CDKN2AIPNL: variants seen among roughly 807,000 people sequenced by gnomAD.
The protein encoded by CDKN2AIPNL is CDKN2AIP N-terminal-like protein.
In CDKN2AIPNL, 9 loss-of-function variants were observed where a neutral mutation model predicts 12.9. The ratio of observed to expected loss-of-function variants is 0.70; its 90% CI spans 0.42 to 1.22. CDKN2AIPNL has a LOEUF of 1.22. CDKN2AIPNL is among the 50% of genes most tolerant of loss of function. The pLI is 0.00. For missense variants in CDKN2AIPNL, 143 were observed against 153.6 expected (o/e 0.93, Z 0.37); for synonymous variants, 53 against 61.7 (o/e 0.86, Z 0.66).
At chr5:134,406,235 C>T (rs986201610) in intron 2 of CDKN2AIPNL, among the ~76,000 whole-genome samples, 1 of 152,204 alleles carries the variant, frequency 6.6e-6, no homozygotes, top group African/African-American at 2.4e-5. Context: ...TCCAAATCAT[C>T]ATCACTGTCT....
chr5:134,404,295 A>G (rs1294474396), intron 2 of CDKN2AIPNL, among the ~76,000 whole-genome samples: 1 of 152,134 alleles, frequency 6.6e-6, no homozygotes, highest in African/African-American at 2.4e-5. Context: ...GGTACAACTT[A>G]GACCTCTGAT....
Position 134,411,615 on chromosome 5 carries a change from C to T in CDKN2AIPNL, c.239+1G>A. ...ATCAGCCGGCCGGCAGGGGTCCGCACCTGCAGCCTAGGAAGAGATGGTTGG... is the reference window on the plus strand; with the variant it reads ...ATCAGCCGGCCGGCAGGGGTCCGCATCTGCAGCCTAGGAAGAGATGGTTGG... On this transcript the variant is annotated splice_donor_variant, in intron 1 of 2. Coordinates refer to ENST00000458198, the MANE Select transcript of CDKN2AIPNL (RefSeq NM_080656.3). LOFTEE classifies it high-confidence loss of function. 6.2e-7 allele frequency: 1 copy of T among 1,611,276 alleles called. No individual in the cohort carries two copies. Among genetic ancestry groups the T allele is most frequent in the South Asian group, 1.1e-5 (1 of 90,668 alleles).
intron 1 of CDKN2AIPNL, 22 bp from the exon 2 acceptor site, chr5:134,410,024 G>C (rs375367409): frequency 3.3e-6 from 5 of 1,516,402 alleles, no homozygotes; most frequent in Non-Finnish European, 4.5e-6. Context: ...AAAGTAGTAA[G>C]GTAAAAACCT....
intron 2 of CDKN2AIPNL, among the ~76,000 whole-genome samples, chr5:134,404,212 A>G (rs985849716): frequency 2.0e-5 from 3 of 152,202 alleles, no homozygotes; most frequent in Non-Finnish European, 2.9e-5. Flanking sequence ...GGGATCAGAC[A>G]CACCTTTTCT....
chr5:134,407,218 A>G (rs945340073), intron 2 of CDKN2AIPNL, among the ~76,000 whole-genome samples: 2 of 150,798 alleles, frequency 1.3e-5, no homozygotes, highest in African/African-American at 4.9e-5. Context: ...TTTTTTAGGT[A>G]TAAGACCCCT....
intron 1 of CDKN2AIPNL, chr5:134,410,743 T>G (rs1293160345): frequency 6.4e-6 from 3 of 469,982 alleles, no homozygotes; most frequent in Non-Finnish European, 1.2e-5. Context: ...AACCCCAATA[T>G]GTGAAGCAAA....
chr5:134,406,098 G>C (rs1759100541), intron 2 of CDKN2AIPNL, among the ~76,000 whole-genome samples: 1 of 152,156 alleles, frequency 6.6e-6, no homozygotes, highest in Non-Finnish European at 1.5e-5. Context: ...AATTCCACCT[G>C]TCAGAAACCA....
intron 2 of CDKN2AIPNL, 52 bp downstream of exon 2, chr5:134,409,851 G>T (rs921833929): frequency 7.8e-6 from 9 of 1,149,812 alleles, no homozygotes; most frequent in African/African-American, 1.5e-5. Flanking sequence ...ATCAAGGCAG[G>T]GACTGTTAAC....
rs1418642736 is a variant in CDKN2AIPNL at position 134,402,613 on chromosome 5, T to C, written c.*302A>G. 7.7e-6 allele frequency: 2 copies of C among 261,048 alleles called. No individual in the cohort carries two copies. Among genetic ancestry groups the C allele is most frequent in the Non-Finnish European group, 1.4e-5 (2 of 139,086 alleles). The allele number at this position is 261,048 out of a possible 1,614,324, so 16.2% of individuals were successfully genotyped here. On this transcript the variant is annotated 3_prime_UTR_variant, in exon 3 of 3. Coordinates refer to ENST00000458198, the MANE Select transcript of CDKN2AIPNL (RefSeq NM_080656.3). Reference sequence around the variant, plus strand: ...CTGCCTGGGCGACAGAGTGAGACCTTGTCGATAAGAAAAAAAAAAACCTGA... The same window carrying C: ...CTGCCTGGGCGACAGAGTGAGACCTCGTCGATAAGAAAAAAAAAAACCTGA...
chr5:134,409,276 T>C (rs1455342933), intron 2 of CDKN2AIPNL, among the ~76,000 whole-genome samples: 1 of 152,186 alleles, frequency 6.6e-6, no homozygotes, highest in Non-Finnish European at 1.5e-5. Flanking sequence ...CAGACAAATG[T>C]GAAACAAGCA....
rs747928655 is a variant in CDKN2AIPNL, at chr5:134,410,036, G to T, written c.240-34C>A. On this transcript the variant is annotated intron_variant, in intron 1 of 2. Coordinates refer to ENST00000458198, the MANE Select transcript of CDKN2AIPNL (RefSeq NM_080656.3). Reference sequence around the variant, plus strand: ...TAAAAAGTAGTAAGGTAAAAACCTTGGAACAATTGTCACTGTGGATTAATA... The same window carrying T: ...TAAAAAGTAGTAAGGTAAAAACCTTTGAACAATTGTCACTGTGGATTAATA... 5 of 1,429,336 alleles carry T rather than the reference G, an allele frequency of 3.5e-6. No homozygotes were observed. The African/African-American group carries it at 7.1e-5, about 20-fold the overall frequency. 88.5% of individuals were successfully genotyped at this position (1,429,336 alleles called of 1,614,324 possible). A position where few individuals can be genotyped will look rare whatever the true frequency, so the allele number is the denominator to read the frequency against.
intron 2 of CDKN2AIPNL, among the ~76,000 whole-genome samples, chr5:134,406,471 G>A (rs17167504): frequency 0.024 from 3,704 of 152,310 alleles, 95 homozygotes; most frequent in African/African-American, 0.064. Flanking sequence ...GCAGGCAAAG[G>A]ATGAAACTGC....
chr5:134,407,648 G>A (rs369332081), intron 2 of CDKN2AIPNL, among the ~76,000 whole-genome samples: 14 of 151,844 alleles, frequency 9.2e-5, no homozygotes, highest in African/African-American at 2.2e-4. Flanking sequence ...GGTGGCAGGC[G>A]CCTGTAATCC....
intron 2 of CDKN2AIPNL, among the ~76,000 whole-genome samples, chr5:134,408,243 G>A (rs1406130440): frequency 6.6e-6 from 1 of 151,952 alleles, no homozygotes; most frequent in Non-Finnish European, 1.5e-5. Context: ...TCCCTGGCTG[G>A]GCCCCAAGAA....
chr5:134,403,647 C>T (rs1005125380), intron 2 of CDKN2AIPNL, among the ~76,000 whole-genome samples: 30 of 152,292 alleles, frequency 2.0e-4, no homozygotes, highest in African/African-American at 6.5e-4. Context: ...TTATTTGAGA[C>T]GGAGTCTCAC....
At position 134,402,810 on chromosome 5, in the gene CDKN2AIPNL, G is replaced by T. The variant is rs2149696583; in HGVS notation, c.*105C>A. On this transcript the variant is annotated 3_prime_UTR_variant, in exon 3 of 3. Coordinates refer to ENST00000458198, the MANE Select transcript of CDKN2AIPNL (RefSeq NM_080656.3). ...TCATTCCACCTGCCTCTTTATGTTG[G>T]TAATACCAGGAGTCTTAAGAGAGCT... 6 of 949,182 alleles carry T rather than the reference G, an allele frequency of 6.3e-6. No homozygotes were observed. In the African/African-American group the frequency reaches 6.6e-5, roughly 10 times the overall value. 58.8% of individuals were successfully genotyped at this position (949,182 alleles called of 1,614,324 possible).
At chr5:134,405,974 G>A (rs1278084327) in intron 2 of CDKN2AIPNL, among the ~76,000 whole-genome samples, 2 of 152,132 alleles carry the variant, frequency 1.3e-5, no homozygotes, top group Non-Finnish European at 2.9e-5. Flanking sequence ...AACCACAAAG[G>A]CTGCCAGCAG....
intron 2 of CDKN2AIPNL, among the ~76,000 whole-genome samples, chr5:134,404,383 GTACGA>G (rs1759070853): frequency 6.6e-6 from 1 of 152,136 alleles, no homozygotes; most frequent in East Asian, 1.9e-4. Flanking sequence ...GAGTGCAGTG[GTACGA>G]TCATGGCTAA....
intron 2 of CDKN2AIPNL, among the ~76,000 whole-genome samples, chr5:134,405,651 G>A (rs1297298461): frequency 6.6e-6 from 1 of 151,746 alleles, no homozygotes; most frequent in Non-Finnish European, 1.5e-5. Flanking sequence ...TCCTGACCTC[G>A]TGACCTGCCT....
Sources: allele counts gnomAD v4.1 joint callset (sites outside exome capture counted in the v4.1 genomes callset), GRCh38; gene constraint gnomAD v4.1.1; transcripts MANE v1.5; gene names NCBI Gene and HGNC (gene_info 2026-07-23, HGNC 2026-07-21).